Variants in CTNNA2 observed in about 807,000 individuals in gnomAD.
CTNNA2 encodes catenin alpha-2.
CTNNA2 carries 42 observed loss-of-function variants against 101.0 expected under a neutral mutation model. The observed-to-expected ratio is 0.42, with a 90% CI of 0.32 to 0.54. The LOEUF is 0.54. Among genes scored for constraint, CTNNA2 ranks in the 20% least tolerant of loss-of-function variants. The pLI is 0.14. For missense variants in CTNNA2, 871 were observed against 1,223.1 expected (o/e 0.71, Z 4.29); for synonymous variants, 450 against 456.4 (o/e 0.99, Z 0.18).
intron 4 of CTNNA2, among the ~76,000 whole-genome samples, chr2:79,401,136 C>G (rs1026115932): frequency 2.0e-5 from 3 of 151,644 alleles, no homozygotes; most frequent in Non-Finnish European, 2.9e-5. Context: ...TAACTTGAAT[C>G]CTTATAAAGA....
intron 7 of CTNNA2, among the ~76,000 whole-genome samples, chr2:80,293,277 T>G (rs1376584474): frequency 1.3e-5 from 2 of 152,352 alleles, no homozygotes; most frequent in East Asian, 3.9e-4. Context: ...AATCCAGCTC[T>G]GTGTGCTGCT....
chr2:80,535,597 A>G (rs186562369), intron 9 of CTNNA2, among the ~76,000 whole-genome samples: 8 of 152,290 alleles, frequency 5.3e-5, no homozygotes, highest in African/African-American at 1.9e-4. Flanking sequence ...CTTACCAATT[A>G]TGATTTTTAA....
At chr2:80,598,743 G>T in intron 15 of CTNNA2, among the ~76,000 whole-genome samples, 1 of 152,162 alleles carries the variant, frequency 6.6e-6, no homozygotes, top group East Asian at 1.9e-4. Context: ...TAAACCTTTA[G>T]ATAATTATGC....
At chr2:79,217,921 A>G (rs950979237) in intron 2 of CTNNA2, among the ~76,000 whole-genome samples, 7 of 152,222 alleles carry the variant, frequency 4.6e-5, no homozygotes, top group African/African-American at 1.4e-4. Context: ...GACACCACAT[A>G]GCAGGTACGG....
intron 3 of CTNNA2, among the ~76,000 whole-genome samples, chr2:79,847,815 C>T (rs565904365): frequency 1.3e-5 from 2 of 152,140 alleles, no homozygotes; most frequent in Non-Finnish European, 2.9e-5. Context: ...ATTCTGAATG[C>T]TGCCGTCTCT....
intron 7 of CTNNA2, among the ~76,000 whole-genome samples, chr2:80,209,539 G>T (rs759006052): frequency 6.6e-6 from 1 of 151,806 alleles, no homozygotes; most frequent in Non-Finnish European, 1.5e-5. Context: ...CTCCATAACC[G>T]ATGTTCAGAT....
chr2:79,812,964 C>G lies in CTNNA2; in HGVS notation c.299-45049C>G, dbSNP rs149935100. 2.8e-3 allele frequency among the ~76,000 whole-genome samples: 424 copies of G among 152,248 alleles called. 2 individuals are homozygous for G. The highest frequency in any genetic ancestry group is 9.8e-3 in the African/African-American group (407 of 41,572). ...CTCCAGGTGCAATTCTGAAGGAGAC[C>G]AGTCCAACTTCACAGGTGCCCATAG... is the stretch of plus-strand genomic sequence containing the variant. On this transcript the variant is annotated intron_variant, in intron 3 of 18. Transcript: ENST00000402739.
chr2:79,742,538 G>A (rs937142861), intron 2 of CTNNA2, among the ~76,000 whole-genome samples: 7 of 152,266 alleles, frequency 4.6e-5, no homozygotes, highest in Admixed American at 3.9e-4. Flanking sequence ...GTTCTGGGGA[G>A]TTGAGGTTCT....
chr2:79,817,516 A>G (rs1347605049), intron 3 of CTNNA2, among the ~76,000 whole-genome samples: 1 of 151,882 alleles, frequency 6.6e-6, no homozygotes, highest in African/African-American at 2.4e-5. Flanking sequence ...CAGCACTCTA[A>G]CCACATTGAA....
chr2:79,355,376 T>C (rs1677486245), intron 3 of CTNNA2, among the ~76,000 whole-genome samples: 1 of 152,194 alleles, frequency 6.6e-6, no homozygotes, highest in South Asian at 2.1e-4. Context: ...TGTTTTTCCA[T>C]TTGTTTGTGT....
At chr2:79,897,888 T>C (rs1364176206) in intron 6 of CTNNA2, among the ~76,000 whole-genome samples, 1 of 152,166 alleles carries the variant, frequency 6.6e-6, no homozygotes, top group Non-Finnish European at 1.5e-5. Flanking sequence ...GATCCTGGTA[T>C]GGCGGAAGGC....
At chr2:80,002,723 C>T (rs1167382091) in intron 7 of CTNNA2, among the ~76,000 whole-genome samples, 4 of 152,102 alleles carry the variant, frequency 2.6e-5, no homozygotes, top group African/African-American at 7.2e-5. Flanking sequence ...CTGTGCTCCT[C>T]CACCCCCTGA....
At chr2:79,867,430 A>G (rs1029058932) in intron 4 of CTNNA2, among the ~76,000 whole-genome samples, 1 of 151,890 alleles carries the variant, frequency 6.6e-6, no homozygotes, top group Non-Finnish European at 1.5e-5. Context: ...TCTCTCATCT[A>G]TCTACTAGTA....
At chr2:80,405,769 T>C (rs1678995125) in intron 8 of CTNNA2, among the ~76,000 whole-genome samples, 1 of 152,188 alleles carries the variant, frequency 6.6e-6, no homozygotes, top group Non-Finnish European at 1.5e-5. Context: ...TGCCTGAGCA[T>C]TCCAGGATTA....
At chr2:80,577,337 C>T (rs1489486962) in intron 13 of CTNNA2, among the ~76,000 whole-genome samples, 4 of 151,924 alleles carry the variant, frequency 2.6e-5, no homozygotes, top group African/African-American at 7.3e-5. Context: ...AAGGAGGTAC[C>T]TGGGTGGCAT....
intron 15 of CTNNA2, among the ~76,000 whole-genome samples, chr2:80,595,913 G>T (rs1435409559): frequency 6.6e-6 from 1 of 152,100 alleles, no homozygotes; most frequent in East Asian, 1.9e-4. Flanking sequence ...GTCAATGGAA[G>T]CTTGATGGGA....
At chr2:79,666,827 G>T (rs1318468855) in intron 2 of CTNNA2, among the ~76,000 whole-genome samples, 1 of 152,178 alleles carries the variant, frequency 6.6e-6, no homozygotes, top group Non-Finnish European at 1.5e-5. Context: ...TTTAGCTTAG[G>T]TCGGTTGAGC....
intron 7 of CTNNA2, among the ~76,000 whole-genome samples, chr2:80,261,627 A>G (rs958885434): frequency 1.3e-5 from 2 of 152,168 alleles, no homozygotes; most frequent in Admixed American, 1.3e-4. Flanking sequence ...GTCTGAGGTA[A>G]TAATTGAATA....
chr2:80,185,825 T>C (rs775889708), intron 7 of CTNNA2, among the ~76,000 whole-genome samples: 3 of 152,192 alleles, frequency 2.0e-5, no homozygotes, highest in Non-Finnish European at 4.4e-5. Context: ...GCACTTATCC[T>C]GAAGCTGTTA....
Sources: allele counts gnomAD v4.1 joint callset (sites outside exome capture counted in the v4.1 genomes callset), GRCh38; gene constraint gnomAD v4.1.1; transcripts MANE v1.5; gene names NCBI Gene and HGNC (gene_info 2026-07-23, HGNC 2026-07-21).